ITGA8: variants seen among roughly 807,000 people sequenced by gnomAD.
The protein encoded by ITGA8 is integrin alpha-8.
Under a neutral mutation model 142.3 loss-of-function variants are expected in ITGA8, and 91 were observed. The ratio of observed to expected loss-of-function variants is 0.64; its 90% CI spans 0.54 to 0.76. ITGA8 has a LOEUF of 0.76. Among genes scored for constraint, ITGA8 ranks in the 30% least tolerant of loss-of-function variants. The pLI is 0.00. For missense variants in ITGA8, 1,406 were observed against 1,327.7 expected (o/e 1.06, Z -0.92); for synonymous variants, 505 against 485.2 (o/e 1.04, Z -0.54).
intron 2 of ITGA8, among the ~76,000 whole-genome samples, chr10:15,718,291 C>G (rs1330731134): frequency 6.6e-6 from 1 of 152,182 alleles, no homozygotes; most frequent in Non-Finnish European, 1.5e-5. Flanking sequence ...TTCTTTCTTT[C>G]TGTAAAGAAT....
chr10:15,549,164 T>A (rs1833738047), intron 26 of ITGA8, among the ~76,000 whole-genome samples: 1 of 151,594 alleles, frequency 6.6e-6, no homozygotes, highest in African/African-American at 2.4e-5. Flanking sequence ...ATTCTATCTA[T>A]CAAATCAGAT....
intron 8 of ITGA8, among the ~76,000 whole-genome samples, chr10:15,667,054 C>A (rs1006560511): frequency 1.3e-5 from 2 of 152,104 alleles, no homozygotes; most frequent in Non-Finnish European, 2.9e-5. Context: ...GGGAGGATTC[C>A]CTCTTTTTCT....
At chr10:15,676,895 G>A (rs1006255768) in intron 6 of ITGA8, among the ~76,000 whole-genome samples, 7 of 152,142 alleles carry the variant, frequency 4.6e-5, no homozygotes, top group African/African-American at 1.4e-4. Context: ...TGTATTACCA[G>A]CTACTCAGGA....
At chr10:15,585,156 A>C (rs1832800780) in intron 23 of ITGA8, among the ~76,000 whole-genome samples, 1 of 152,206 alleles carries the variant, frequency 6.6e-6, no homozygotes, top group Non-Finnish European at 1.5e-5. Flanking sequence ...TTTGAATGGA[A>C]AAAAATTAGA....
At chr10:15,625,346 C>T (rs1363289761) in intron 13 of ITGA8, among the ~76,000 whole-genome samples, 1 of 152,220 alleles carries the variant, frequency 6.6e-6, no homozygotes, top group African/African-American at 2.4e-5. Flanking sequence ...GATCCTTCCA[C>T]CTTCAACTGT....
At position 15,644,211 on chromosome 10, in the gene ITGA8, G is replaced by A. The variant is rs377731246; in HGVS notation, c.1218C>T (p.Ile406=). The part of the protein sequence containing the change: ...LNQDGYNDIA[I]GVPFAGKDQR... ...GATCCTTGCCTGCAAAAGGCACTCC[G>A]ATGGCAATGTCTAAAAACAGACATA... Residue 406 remains isoleucine, a synonymous_variant, in exon 13 of 30, where the codon ATC becomes ATT. Transcript: ENST00000378076. The A allele has an allele frequency of 1.5e-5, 25 of 1,613,144 alleles. No individual in the cohort carries two copies. The highest frequency in any genetic ancestry group is 3.3e-5 in the Admixed American group (2 of 59,878).
At chr10:15,592,620 A>G (rs1408220766) in intron 21 of ITGA8, among the ~76,000 whole-genome samples, 1 of 152,166 alleles carries the variant, frequency 6.6e-6, no homozygotes, top group Non-Finnish European at 1.5e-5. Flanking sequence ...TGATTGATTG[A>G]TTGAGACAGG....
chr10:15,706,740 A>G (rs1318218932), intron 2 of ITGA8, among the ~76,000 whole-genome samples: 3 of 152,126 alleles, frequency 2.0e-5, no homozygotes, highest in Admixed American at 6.5e-5. Flanking sequence ...ATGACTGACC[A>G]AAACTGATCT....
intron 29 of ITGA8, among the ~76,000 whole-genome samples, chr10:15,517,672 T>C (rs570129310): frequency 5.3e-5 from 8 of 152,366 alleles, no homozygotes; most frequent in Non-Finnish European, 8.8e-5. Flanking sequence ...ATAATCAGTC[T>C]GTTTCTCCAA....
At chr10:15,636,646 C>A (rs1372081679) in intron 13 of ITGA8, among the ~76,000 whole-genome samples, 1 of 152,174 alleles carries the variant, frequency 6.6e-6, no homozygotes, top group Non-Finnish European at 1.5e-5. Context: ...CTCCTGCCAC[C>A]TCCTCTCCCT....
At chr10:15,528,058 G>T (rs1486756193) in intron 28 of ITGA8, among the ~76,000 whole-genome samples, 2 of 151,970 alleles carry the variant, frequency 1.3e-5, no homozygotes, top group Non-Finnish European at 2.9e-5. Flanking sequence ...TGGGACTACA[G>T]GCGAGCATCA....
At position 15,719,717 on chromosome 10, in the gene ITGA8, G is replaced by A. The variant is rs1370659963; in HGVS notation, c.55C>T (p.Pro19Ser). The A allele has an allele frequency of 7.1e-7, 1 of 1,403,968 alleles. No homozygotes were observed. The highest frequency in any genetic ancestry group is 9.2e-7 in the Non-Finnish European group (1 of 1,086,580). The allele number at this position is 1,403,968 out of a possible 1,614,324, so 87.0% of individuals were successfully genotyped here. ...PRGSQAPLIA[P>S]LCCAAAALGM... ...AGCGCGGCCGCGGCGCAGCAGAGGG[G>A]CGCGATCAGCGGCGCCTGGCTTCCC... Residue 19 changes from proline to serine, a missense_variant, in exon 1 of 30, where the codon CCC becomes TCC. Transcript: ENST00000378076.
chr10:15,636,342 C>T (rs931611283), intron 13 of ITGA8, among the ~76,000 whole-genome samples: 2 of 152,180 alleles, frequency 1.3e-5, no homozygotes, highest in African/African-American at 4.8e-5. Flanking sequence ...TGAACCCCAA[C>T]ATACAGACCT....
chr10:15,639,571 A>C (rs1833834317), intron 13 of ITGA8, among the ~76,000 whole-genome samples: 1 of 152,220 alleles, frequency 6.6e-6, no homozygotes, highest in Non-Finnish European at 1.5e-5. Flanking sequence ...GCCAGCAGTA[A>C]GGGCCGCACC....
rs568454932 is a variant in ITGA8, at chr10:15,593,697, C to T, written c.2212-1393G>A. 4.8e-4 allele frequency among the ~76,000 whole-genome samples: 73 copies of T among 152,266 alleles called. No individual in the cohort carries two copies. The South Asian group carries it at 5.0e-3, about 10-fold the overall frequency. ...AATGTGCTTCGAGCTACGTACTGTC[C>T]GAATGGCTTTACATTTGTCATATCA... On this transcript the variant is annotated intron_variant, in intron 21 of 29. Transcript: ENST00000378076.
At chr10:15,616,465 A>G (rs957315815) in intron 14 of ITGA8, 49 bp downstream of exon 14, 1 of 1,378,130 alleles carries the variant, frequency 7.3e-7, no homozygotes, top group African/African-American at 1.4e-5. Context: ...TAACAAGAAA[A>G]TGTATTTGAA....
intron 15 of ITGA8, among the ~76,000 whole-genome samples, chr10:15,613,073 A>C (rs1277492764): frequency 2.0e-5 from 3 of 152,196 alleles, no homozygotes; most frequent in Non-Finnish European, 2.9e-5. Context: ...AGACACGAGA[A>C]TCGCTTGGAC....
chr10:15,569,852 A>C (rs548297191), intron 25 of ITGA8, among the ~76,000 whole-genome samples: 1 of 152,340 alleles, frequency 6.6e-6, no homozygotes, highest in Non-Finnish European at 1.5e-5. Flanking sequence ...CTAAAGTCCA[A>C]GTCATATCAA....
chr10:15,666,373 C>G (rs1258376414), intron 8 of ITGA8, among the ~76,000 whole-genome samples: 1 of 152,084 alleles, frequency 6.6e-6, no homozygotes, highest in Non-Finnish European at 1.5e-5. Flanking sequence ...GATTTTGTGT[C>G]CTGAGACTTT....
Sources: allele counts gnomAD v4.1 joint callset (sites outside exome capture counted in the v4.1 genomes callset), GRCh38; gene constraint gnomAD v4.1.1; transcripts MANE v1.5; gene names NCBI Gene and HGNC (gene_info 2026-07-23, HGNC 2026-07-21).